The following PLCB1 variants were observed in gnomAD, a reference collection of about 807,000 sequenced individuals.
PLCB1 encodes phospholipase C beta 1.
Under a neutral mutation model 161.8 loss-of-function variants are expected in PLCB1, and 46 were observed. The ratio of observed to expected loss-of-function variants is 0.28; its 90% CI spans 0.22 to 0.36. PLCB1 has a LOEUF of 0.36. Among genes scored for constraint, PLCB1 ranks in the 10% least tolerant of loss-of-function variants. The probability of loss-of-function intolerance (pLI) is 1.00; values close to 1 mark genes in which losing one functional copy is unlikely to be tolerated. For missense variants in PLCB1, 1,016 were observed against 1,472.5 expected (o/e 0.69, Z 5.07); for synonymous variants, 517 against 503.7 (o/e 1.03, Z -0.35).
At chr20:8,404,942 C>T (rs1978719988) in intron 3 of PLCB1, among the ~76,000 whole-genome samples, 1 of 152,094 alleles carries the variant, frequency 6.6e-6, no homozygotes. Flanking sequence ...TTCTCTCAAC[C>T]CTTAATTCCT....
Position 8,528,990 on chromosome 20 carries a change from C to T in PLCB1, c.247-99304C>T, listed in dbSNP as rs150187553. 2.9e-3 allele frequency among the ~76,000 whole-genome samples: 437 copies of T among 152,060 alleles called. 2 individuals are homozygous for T. The highest frequency in any genetic ancestry group is 0.01 in the African/African-American group (416 of 41,452). ...ACAGTTCTACACAATAACCTTCTAA[C>T]GATTCCTCATTGTGGACGGGTAGGT... On this transcript the variant is annotated intron_variant, in intron 3 of 31. Coordinates refer to ENST00000338037, the MANE Select transcript of PLCB1 (RefSeq NM_015192.4).
intron 2 of PLCB1, among the ~76,000 whole-genome samples, chr20:8,317,540 C>T (rs1258112323): frequency 6.6e-6 from 1 of 151,602 alleles, no homozygotes. Context: ...GACACACACA[C>T]ACAACACCAT....
chr20:8,166,650 T>G (rs2051678593), intron 2 of PLCB1, among the ~76,000 whole-genome samples: 1 of 152,152 alleles, frequency 6.6e-6, no homozygotes, highest in Admixed American at 6.5e-5. Flanking sequence ...CCTGACCTGG[T>G]CCTGGTGCCT....
chr20:8,881,814 G>A lies in PLCB1; in HGVS notation c.3616G>A (p.Asp1206Asn), dbSNP rs761748712. Residue 1206 changes from aspartate to asparagine, a missense_variant, in exon 32 of 32, where the codon GAC becomes AAC. Coordinates refer to ENST00000338037, the MANE Select transcript of PLCB1 (RefSeq NM_015192.4). ...TCCCTCCAGTGAGGAGCTGGGAGGA[G>A]ACATCCCAGGAAAAGAATTTGATAC... is the stretch of plus-strand genomic sequence containing the variant. The part of the protein sequence containing the change: ...KTPSSEELGG[D>N]IPGKEFDTPL 33 of 1,613,774 alleles carry A rather than the reference G, an allele frequency of 2.0e-5. No individual in the cohort carries two copies. The South Asian group carries it at 2.5e-4, about 12-fold the overall frequency.
chr20:8,604,640 G>A (rs575139714), intron 3 of PLCB1, among the ~76,000 whole-genome samples: 3 of 152,284 alleles, frequency 2.0e-5, no homozygotes, highest in African/African-American at 7.2e-5. Context: ...GTCTGTCATT[G>A]CTAGGGTGAA....
rs1429187943 is a variant in PLCB1, at chr20:8,464,607, G to GT, written c.246+93157_246+93158insT. Among the ~76,000 whole-genome samples the GT allele has an allele frequency of 8.5e-5, 13 of 152,312 alleles. No individual in the cohort carries two copies. The South Asian group carries it at 2.5e-3, about 29-fold the overall frequency. ...ATAGGCCAAGGTAAACAACCTGGAT[G>GT]ACTCAGCAGGTTTGTGGTACAAGTG... On this transcript the variant is annotated intron_variant, in intron 3 of 31. Transcript: ENST00000338037.
At chr20:8,433,060 A>G (rs1980126585) in intron 3 of PLCB1, among the ~76,000 whole-genome samples, 1 of 152,208 alleles carries the variant, frequency 6.6e-6, no homozygotes, top group South Asian at 2.1e-4. Flanking sequence ...GCAGAGGTTC[A>G]CCAAAGTTCT....
chr20:8,884,710 A>AGAT lies in PLCB1; in HGVS notation c.*2862_*2864dup, dbSNP rs1179255589. On this transcript the variant is annotated 3_prime_UTR_variant, in exon 32 of 32. Transcript: ENST00000338037. Reference sequence around the variant, plus strand: ...CTCTTGCCTTTTAAGAAGAAAAAAAAGATAGGACAAAGTATTTGAAGCTCT... The same window carrying AGAT: ...CTCTTGCCTTTTAAGAAGAAAAAAAAGATGATAGGACAAAGTATTTGAAGCTCT... The AGAT allele has an allele frequency of 6.6e-6, 1 of 152,612 alleles. No homozygotes were observed. The highest frequency in any genetic ancestry group is 6.5e-5 in the Admixed American group (1 of 15,270). 9.5% of individuals were successfully genotyped at this position (152,612 alleles called of 1,614,324 possible).
chr20:8,683,935 G>A (rs1990283021), intron 9 of PLCB1, among the ~76,000 whole-genome samples: 1 of 151,542 alleles, frequency 6.6e-6, no homozygotes, highest in Non-Finnish European at 1.5e-5. Flanking sequence ...CCAGGCTGGA[G>A]TGTAGTGGTG....
intron 2 of PLCB1, among the ~76,000 whole-genome samples, chr20:8,191,651 C>T (rs957047322): frequency 2.0e-5 from 3 of 151,800 alleles, no homozygotes; most frequent in African/African-American, 7.3e-5. Flanking sequence ...AAAATGCGAA[C>T]GTGTGAGTTG....
At chr20:8,165,498 A>G (rs1490279916) in intron 2 of PLCB1, among the ~76,000 whole-genome samples, 1 of 152,154 alleles carries the variant, frequency 6.6e-6, no homozygotes, top group Non-Finnish European at 1.5e-5. Context: ...CTTCTGGAAT[A>G]CCTTGTGCCT....
At chr20:8,350,491 T>C (rs1393047848) in intron 2 of PLCB1, among the ~76,000 whole-genome samples, 3 of 152,248 alleles carry the variant, frequency 2.0e-5, no homozygotes, top group Non-Finnish European at 4.4e-5. Flanking sequence ...TAGCCTATCA[T>C]TGATGGGCAT....
At chr20:8,505,510 G>C (rs1983603409) in intron 3 of PLCB1, among the ~76,000 whole-genome samples, 1 of 152,184 alleles carries the variant, frequency 6.6e-6, no homozygotes. Flanking sequence ...AGAAAGAATA[G>C]AGAAATATAG....
At chr20:8,869,189 G>GATT (rs11471955) in intron 31 of PLCB1, among the ~76,000 whole-genome samples, 45,225 of 151,726 alleles carry the variant, frequency 0.3, 7,636 homozygotes, top group East Asian at 0.65. Flanking sequence ...TTATTATCTT[G>GATT]ATTATTTTTT....
rs764210002 is a variant in PLCB1 at position 8,658,716 on chromosome 20, C to G, written c.862+12C>G. ...CCTCGCCAGAAAAGGTCAGTACTTT[C>G]TTTCACACCAAAGGGAAGCTCTTGT... On this transcript the variant is annotated intron_variant, in intron 9 of 31. Coordinates refer to ENST00000338037, the MANE Select transcript of PLCB1 (RefSeq NM_015192.4). 8.8e-6 allele frequency: 14 copies of G among 1,589,410 alleles called. No homozygotes were observed. In the East Asian group the frequency reaches 2.7e-4, roughly 31 times the overall value.
At chr20:8,695,808 G>A (rs1260450008) in intron 10 of PLCB1, among the ~76,000 whole-genome samples, 1 of 152,210 alleles carries the variant, frequency 6.6e-6, no homozygotes, top group Non-Finnish European at 1.5e-5. Flanking sequence ...TAATGGGCCT[G>A]TTGCAAGAGC....
rs548019233 is a variant in PLCB1, at chr20:8,701,283, A to G, written c.1167+3500A>G. 2.0e-5 allele frequency among the ~76,000 whole-genome samples: 3 copies of G among 152,268 alleles called. 1 individual carries two copies. The highest frequency in any genetic ancestry group is 7.2e-5 in the African/African-American group (3 of 41,558). Reference sequence around the variant, plus strand: ...TTTCCCCCTCATCCACTGGGCTCCAACAGTACTGACCTTGCTGTTCATGGG... The same window carrying G: ...TTTCCCCCTCATCCACTGGGCTCCAGCAGTACTGACCTTGCTGTTCATGGG... On this transcript the variant is annotated intron_variant, in intron 11 of 31. Transcript: ENST00000338037.
intron 2 of PLCB1, among the ~76,000 whole-genome samples, chr20:8,155,613 A>G (rs932552971): frequency 6.6e-6 from 1 of 152,240 alleles, no homozygotes. Context: ...TCTGGCTTCC[A>G]TAAAGAACTA....
chr20:8,257,643 G>A (rs542145439), intron 2 of PLCB1, among the ~76,000 whole-genome samples: 12 of 152,264 alleles, frequency 7.9e-5, no homozygotes, highest in East Asian at 7.8e-4. Context: ...TGAGAATTCC[G>A]AAAGTCAGTA....
Sources: allele counts gnomAD v4.1 joint callset (sites outside exome capture counted in the v4.1 genomes callset), GRCh38; gene constraint gnomAD v4.1.1; transcripts MANE v1.5; gene names NCBI Gene and HGNC (gene_info 2026-07-23, HGNC 2026-07-21).